The following PSMD9 variants were observed in gnomAD, a reference collection of about 807,000 sequenced individuals.
The protein encoded by PSMD9 is proteasome 26S subunit, non-ATPase 9.
Under a neutral mutation model 25.9 loss-of-function variants are expected in PSMD9, and 26 were observed. That is an observed-to-expected ratio of 1.00 (90% confidence interval 0.73 to 1.39). The LOEUF (loss-of-function observed/expected upper bound fraction) is 1.39. Among genes scored for constraint, PSMD9 ranks in the 40% most tolerant of loss-of-function variants. The probability of loss-of-function intolerance (pLI) is 0.00; values close to 1 mark genes in which losing one functional copy is unlikely to be tolerated. For synonymous variants in PSMD9, 110 were observed against 114.5 expected (o/e 0.96, Z 0.25); for missense variants, 303 against 299.3 (o/e 1.01, Z -0.09).
chr12:121,897,485 T>G (rs1879267335), intron 2 of PSMD9: 1 of 152,292 alleles, frequency 6.6e-6, no homozygotes, highest in Admixed American at 6.5e-5. Flanking sequence ...TTGGCCAGGC[T>G]GGTCTTGAAC....
At chr12:121,896,624 G>A (rs367604561) in intron 2 of PSMD9, among the ~76,000 whole-genome samples, 58 of 152,040 alleles carry the variant, frequency 3.8e-4, no homozygotes, top group African/African-American at 1.3e-3. Flanking sequence ...ATCACCTGAG[G>A]TCGGGAGTTC....
rs369628765 is a variant in PSMD9, at chr12:121,891,343, C to G, written c.138+2349C>G. On this transcript the variant is annotated intron_variant, in intron 1 of 5. Transcript: ENST00000541212. ...AGGCCGGGTGCGGTGGCTCATGCCT[C>G]TAATCCCAGCACTTTGGGAGGCCGA... 2.0e-4 allele frequency among the ~76,000 whole-genome samples: 28 copies of G among 138,348 alleles called. No individual in the cohort carries two copies. In the East Asian group the frequency reaches 6.5e-3, roughly 32 times the overall value. The allele number at this position is 138,348 out of a possible 152,430, so 90.8% of individuals were successfully genotyped here. A position where few individuals can be genotyped will look rare whatever the true frequency, so the allele number is the denominator to read the frequency against.
chr12:121,894,258 G>T, intron 1 of PSMD9: 1 of 161,614 alleles, frequency 6.2e-6, no homozygotes, highest in Non-Finnish European at 1.4e-5. Context: ...TAGCCACCCA[G>T]TTCTTCTCCC....
rs1402744953 is a variant in PSMD9, at chr12:121,915,910, G to A, written c.610G>A (p.Val204Ile). The change falls in exon 5 of 6, where the codon GTT becomes ATT. Residue 204 changes from valine to isoleucine, a missense_variant. Transcript: ENST00000541212. The stretch of plus-strand genomic sequence containing the variant: ...GGGGGAAAAACACCAGCTTAGACTT[G>A]TTCCAACACGCTGGGCAGGAAAAGG... ...RRGEKHQLRLVPTRWAGKGLL... is the reference protein window; with the variant it reads ...RRGEKHQLRLIPTRWAGKGLL... The A allele has an allele frequency of 6.2e-7, 1 of 1,613,986 alleles. No homozygotes were observed. Among genetic ancestry groups the A allele is most frequent in the Admixed American group, 1.7e-5 (1 of 59,942 alleles).
chr12:121,900,647 G>A (rs934387116), intron 3 of PSMD9, among the ~76,000 whole-genome samples: 2 of 150,852 alleles, frequency 1.3e-5, no homozygotes, highest in African/African-American at 4.9e-5. Context: ...GTCTTTTGGT[G>A]TATTCACAGA....
At chr12:121,913,085 C>T (rs1374542048) in intron 4 of PSMD9, among the ~76,000 whole-genome samples, 12 of 151,680 alleles carry the variant, frequency 7.9e-5, no homozygotes, top group African/African-American at 1.2e-4. Context: ...TACAGGCGTC[C>T]ACCACCAAGC....
rs143241748 is a variant in PSMD9 at position 121,901,578 on chromosome 12, C to T, written c.454-1428C>T. Reference sequence around the variant, plus strand: ...CTATGTTGCCCAGGCTGGTCTTGAACTCCTGGCCTCAAGCGATCCTTCTTC... The same window carrying T: ...CTATGTTGCCCAGGCTGGTCTTGAATTCCTGGCCTCAAGCGATCCTTCTTC... On this transcript the variant is annotated intron_variant, in intron 3 of 5. Transcript: ENST00000541212. Among the ~76,000 whole-genome samples the T allele has an allele frequency of 5.4e-3, 813 of 151,316 alleles. 12 individuals are homozygous for T. Among genetic ancestry groups the T allele is most frequent in the African/African-American group, 0.019 (775 of 41,206 alleles).
chr12:121,899,713 G>A lies in PSMD9; in HGVS notation c.321G>A (p.Lys107=). 1 of 1,614,150 alleles carries A rather than the reference G, an allele frequency of 6.2e-7. No individual in the cohort carries two copies. ...LHQLHARDKE[K]QARDMAEAHK... is the part of the protein sequence containing the mutation. ...AGCTGCACGCTCGCGACAAGGAGAAGCAGGCCCGGGACATGGCTGAGGCCC... is the reference window on the plus strand; with the variant it reads ...AGCTGCACGCTCGCGACAAGGAGAAACAGGCCCGGGACATGGCTGAGGCCC... The change falls in exon 3 of 6, where the codon AAG becomes AAA. Residue 107 remains lysine (K), a synonymous_variant. Coordinates refer to ENST00000541212, the MANE Select transcript of PSMD9 (RefSeq NM_002813.7).
In PSMD9 at chr12:121,903,105, G is replaced by C. The variant is rs1362353673; in HGVS notation, c.553G>C (p.Gly185Arg). ...TGGCAGTGTGGTGCAGCACAGTGAG[G>C]GGGTGAGTGGGGCTACCTGGTGTCT... ...NIGSVVQHSE[G>R]KPLNVTVIRR... The change falls in exon 4 of 6, where the codon GGG becomes CGG. Residue 185 changes from glycine (G) to arginine (R), a missense_variant and splice_region_variant. Gly to Arg is a moderately radical substitution (Grantham distance 125). Coordinates refer to ENST00000541212, the MANE Select transcript of PSMD9 (RefSeq NM_002813.7). The C allele has an allele frequency of 1.2e-6, 2 of 1,612,612 alleles. No homozygotes were observed. Among genetic ancestry groups the C allele is most frequent in the African/African-American group, 1.3e-5 (1 of 74,976 alleles).
intron 1 of PSMD9, 97 bp downstream of exon 1, chr12:121,889,091 A>G (rs1366087303): frequency 6.1e-6 from 9 of 1,463,716 alleles, no homozygotes; most frequent in East Asian, 2.5e-5. Flanking sequence ...GCGCTCCGCA[A>G]CGGATCTCCC....
intron 4 of PSMD9, chr12:121,914,189 C>T (rs570545556): frequency 1.3e-5 from 2 of 151,986 alleles, no homozygotes; most frequent in Non-Finnish European, 2.9e-5. Flanking sequence ...GCCTGGATAT[C>T]GTATTTTAAT....
chr12:121,908,543 C>T (rs1181401600), intron 4 of PSMD9, among the ~76,000 whole-genome samples: 2 of 152,164 alleles, frequency 1.3e-5, no homozygotes, highest in Admixed American at 1.3e-4. Context: ...GCTGCACATG[C>T]TGGGTCCTGG....
chr12:121,901,692 T>TC (rs1196211183), intron 3 of PSMD9, among the ~76,000 whole-genome samples: 6 of 108,260 alleles, frequency 5.5e-5, no homozygotes, highest in African/African-American at 1.7e-4. Flanking sequence ...TTTTTTTTTT[T>TC]TGAGACGGAG....
chr12:121,911,645 C>A (rs565470981), intron 4 of PSMD9, among the ~76,000 whole-genome samples: 1 of 149,722 alleles, frequency 6.7e-6, no homozygotes, highest in African/African-American at 2.5e-5. Context: ...TTTTTTTTAA[C>A]TTCAATATAT....
At chr12:121,899,922 A>G (rs774861765) in intron 3 of PSMD9, 77 bp downstream of exon 3, 1 of 1,507,820 alleles carries the variant, frequency 6.6e-7, no homozygotes, top group South Asian at 1.1e-5. Flanking sequence ...ATGTGGAAAG[A>G]CAGACTAGTT....
At position 121,894,760 on chromosome 12, in the gene PSMD9, G is replaced by C. The variant is rs1402989529; in HGVS notation, c.160G>C (p.Glu54Gln). The part of the protein sequence containing the change: ...LESQKGIGMN[E>Q]PLVDCEGYPR... ...CCAGCAAAAAGGCATTGGGATGAAC[G>C]AGCCGCTGGTGGACTGTGAGGGCTA... Residue 54 changes from glutamate (E) to glutamine (Q), a missense_variant, in exon 2 of 6, where the codon GAG becomes CAG. Transcript: ENST00000541212. 2 of 1,613,948 alleles carry C rather than the reference G, an allele frequency of 1.2e-6. No homozygotes were observed. The highest frequency in any genetic ancestry group is 4.5e-5 in the East Asian group (2 of 44,880).
At chr12:121,908,203 G>A (rs1879616721) in intron 4 of PSMD9, 1 of 150,600 alleles carries the variant, frequency 6.6e-6, no homozygotes, top group Non-Finnish European at 1.5e-5. Context: ...TTGAGACAGA[G>A]TTGTCGCTCT....
In PSMD9 at chr12:121,899,843, G is replaced by A. The variant is rs139208583; in HGVS notation, c.451G>A (p.Ala151Thr). ...SISPGSPASI[A>T]GLQVDDEIVE... ...CAGCCCCGGCTCCCCAGCCAGCATC[G>A]CGGTAATCCAGGGGTTGGCCACTCA... Residue 151 changes from alanine to threonine, a missense_variant and splice_region_variant, in exon 3 of 6, where the codon GCG becomes ACG. Physicochemically the swap from Ala to Thr is moderately conservative, Grantham distance 58. Transcript: ENST00000541212. 133 of 1,613,760 alleles carry A rather than the reference G, an allele frequency of 8.2e-5. No homozygotes were observed. Among genetic ancestry groups the A allele is most frequent in the Non-Finnish European group, 9.9e-5 (117 of 1,179,868 alleles).
At chr12:121,895,191 A>G (rs1879197248) in intron 2 of PSMD9, among the ~76,000 whole-genome samples, 1 of 151,982 alleles carries the variant, frequency 6.6e-6, no homozygotes, top group Non-Finnish European at 1.5e-5. Context: ...GACTATAGGC[A>G]TGTGTCGCTG....
Sources: gnomAD v4.1 joint callset for allele counts (sites outside exome capture counted in the v4.1 genomes callset) on GRCh38, gnomAD v4.1.1 for gene constraint, MANE v1.5 for transcripts, NCBI Gene and HGNC (gene_info 2026-07-23, HGNC 2026-07-21) for gene names.